The following ADGB variants were observed in gnomAD, a reference collection of about 807,000 sequenced individuals.
The protein encoded by ADGB is androglobin.
A neutral mutation model predicts 210.5 loss-of-function variants in ADGB; 172 were observed. The ratio of observed to expected loss-of-function variants is 0.82; its 90% CI spans 0.72 to 0.93. ADGB has a LOEUF of 0.93. Ranked by LOEUF, ADGB falls within the 40% of genes least tolerant of loss-of-function variation. ADGB has a pLI of 0.00. For missense variants in ADGB, 2,025 were observed against 1,964.8 expected (o/e 1.03, Z -0.58); for synonymous variants, 658 against 662.7 (o/e 0.99, Z 0.11).
intron 1 of ADGB, among the ~76,000 whole-genome samples, chr6:146,609,137 C>T (rs1304409920): frequency 6.6e-6 from 1 of 151,976 alleles, no homozygotes; most frequent in Middle Eastern, 3.2e-3. Flanking sequence ...TTTTTTGTCC[C>T]TTTCGATCGT....
chr6:146,675,995 G>A (rs1275113941), intron 8 of ADGB, among the ~76,000 whole-genome samples: 1 of 152,022 alleles, frequency 6.6e-6, no homozygotes, highest in Non-Finnish European at 1.5e-5. Flanking sequence ...TTTTTAAAAT[G>A]AGAAAATTAC....
chr6:146,670,649 CTG>C lies in ADGB; in HGVS notation c.840-1569_840-1568del, dbSNP rs562111165. 1.9e-3 allele frequency among the ~76,000 whole-genome samples: 283 copies of C among 152,234 alleles called. 2 individuals are homozygous for C. The highest frequency in any genetic ancestry group is 6.5e-3 in the African/African-American group (270 of 41,532). ...TTCATTTTCATCATGGAAGTTATCACTGTTGTTATTCTCTGTCTCTGTTTTAT... is the reference window on the plus strand; with the variant it reads ...TTCATTTTCATCATGGAAGTTATCACTTGTTATTCTCTGTCTCTGTTTTAT... On this transcript the variant is annotated intron_variant, in intron 7 of 35. Transcript: ENST00000397944.
At chr6:146,694,227 A>G (rs933418383) in intron 12 of ADGB, among the ~76,000 whole-genome samples, 81 of 152,250 alleles carry the variant, frequency 5.3e-4, no homozygotes, top group African/African-American at 1.9e-3. Flanking sequence ...GCTATAACAA[A>G]ATACCATAGA....
intron 1 of ADGB, among the ~76,000 whole-genome samples, chr6:146,611,717 G>A (rs1361310770): frequency 6.6e-6 from 1 of 151,966 alleles, no homozygotes; most frequent in African/African-American, 2.4e-5. Context: ...CAAATAATAT[G>A]CCTGTCTTCT....
chr6:146,609,314 G>C (rs1780673414), intron 1 of ADGB, among the ~76,000 whole-genome samples: 1 of 152,092 alleles, frequency 6.6e-6, no homozygotes, highest in Admixed American at 6.5e-5. Context: ...CTTGAGTCTT[G>C]CTTCTTTGTC....
chr6:146,616,837 G>A (rs1780807561), intron 1 of ADGB, among the ~76,000 whole-genome samples: 1 of 151,998 alleles, frequency 6.6e-6, no homozygotes. Context: ...ATGCTTCTTT[G>A]GTTATTATAC....
chr6:146,688,122 A>C (rs753366937), intron 10 of ADGB, among the ~76,000 whole-genome samples: 14 of 152,128 alleles, frequency 9.2e-5, no homozygotes, highest in Admixed American at 6.6e-4. Flanking sequence ...CAAGATTGAC[A>C]AAGTTCTCTC....
chr6:146,699,270 A>C (rs922430108), intron 12 of ADGB, among the ~76,000 whole-genome samples: 10 of 152,170 alleles, frequency 6.6e-5, no homozygotes, highest in Admixed American at 1.3e-4. Flanking sequence ...CACGTGGTTC[A>C]GTCCAAATCT....
intron 12 of ADGB, among the ~76,000 whole-genome samples, chr6:146,699,566 A>G (rs1157585485): frequency 6.6e-6 from 1 of 152,066 alleles, no homozygotes; most frequent in Non-Finnish European, 1.5e-5. Flanking sequence ...TCGCACGCCA[A>G]TCACCTCTGG....
intron 18 of ADGB, 23 bp downstream of exon 18, chr6:146,724,350 C>A (rs1348034922): frequency 1.3e-6 from 2 of 1,488,662 alleles, no homozygotes; most frequent in South Asian, 1.3e-5. Context: ...TTCATTTTTC[C>A]CATAATAAAA....
intron 27 of ADGB, among the ~76,000 whole-genome samples, chr6:146,761,535 T>A (rs1416483004): frequency 6.6e-6 from 1 of 152,054 alleles, no homozygotes; most frequent in Non-Finnish European, 1.5e-5. Flanking sequence ...CACTAACTTC[T>A]TAACAAAACT....
At chr6:146,604,560 A>G (rs1780605846) in intron 1 of ADGB, among the ~76,000 whole-genome samples, 1 of 151,742 alleles carries the variant, frequency 6.6e-6, no homozygotes, top group Middle Eastern at 3.2e-3. Flanking sequence ...AGTGCACCTT[A>G]AAAATGACAA....
Position 146,599,094 on chromosome 6 carries a change from C to G in ADGB, c.54C>G (p.His18Gln), listed in dbSNP as rs1281151920. Residue 18 changes from histidine (H) to glutamine (Q), a missense_variant, in exon 1 of 36, where the codon CAC becomes CAG. Coordinates refer to ENST00000397944, the MANE Select transcript of ADGB (RefSeq NM_024694.4). Reference sequence around the variant, plus strand: ...AGGTGCATCGTATCAACTCGGCGCACGGATCGGATAAATCGAAAGAGTAAG... The same window carrying G: ...AGGTGCATCGTATCAACTCGGCGCAGGGATCGGATAAATCGAAAGAGTAAG... ...KKEVHRINSA[H>Q]GSDKSKDFYP... 1.9e-6 allele frequency: 3 copies of G among 1,551,588 alleles called. No individual in the cohort carries two copies. Among genetic ancestry groups the G allele is most frequent in the African/African-American group, 2.7e-5 (2 of 73,062 alleles).
At chr6:146,607,472 G>C (rs1225538811) in intron 1 of ADGB, among the ~76,000 whole-genome samples, 4 of 152,030 alleles carry the variant, frequency 2.6e-5, no homozygotes, top group African/African-American at 9.7e-5. Context: ...TTCATGTTCT[G>C]GTTCTCAAGG....
At chr6:146,684,088 CT>C (rs1776191566) in intron 9 of ADGB, among the ~76,000 whole-genome samples, 1 of 151,980 alleles carries the variant, frequency 6.6e-6, no homozygotes, top group Non-Finnish European at 1.5e-5. Flanking sequence ...ACTCAGCTGA[CT>C]TTTTGTAAAG....
Position 146,745,948 on chromosome 6 carries a change from A to G in ADGB, c.3204A>G (p.Ala1068=). 1.9e-6 allele frequency: 3 copies of G among 1,549,248 alleles called. No individual in the cohort carries two copies. The highest frequency in any genetic ancestry group is 2.6e-6 in the Non-Finnish European group (3 of 1,146,046). ...AGGGATACACTTTTGTGGCGGAAGCATTTACAGGCGACACATATGTAGCAG... is the reference window on the plus strand; with the variant it reads ...AGGGATACACTTTTGTGGCGGAAGCGTTTACAGGCGACACATATGTAGCAG... ...NKKGYTFVAE[A]FTGDTYVAAS... Residue 1068 remains alanine, a synonymous_variant, in exon 26 of 36, where the codon GCA becomes GCG. Transcript: ENST00000397944.
intron 17 of ADGB, among the ~76,000 whole-genome samples, chr6:146,722,660 T>A (rs1246733556): frequency 6.6e-6 from 1 of 152,180 alleles, no homozygotes; most frequent in African/African-American, 2.4e-5. Flanking sequence ...AAACATTCTC[T>A]CTCTCTTCAA....
chr6:146,720,702 C>T (rs573602664), intron 16 of ADGB, among the ~76,000 whole-genome samples: 115 of 152,170 alleles, frequency 7.6e-4, no homozygotes, highest in African/African-American at 2.3e-3. Context: ...GAAGCAAACA[C>T]GTCTTACCAT....
chr6:146,672,416 A>T lies in ADGB; in HGVS notation c.1036A>T (p.Ser346Cys). Residue 346 changes from serine (S) to cysteine (C), a missense_variant, in exon 8 of 36, where the codon AGT (serine) becomes TGT (cysteine). Coordinates refer to ENST00000397944, the MANE Select transcript of ADGB (RefSeq NM_024694.4). The stretch of plus-strand genomic sequence containing the variant: ...AGACGTGAAGGAATTCAAACCTGAA[A>T]GTTCTTTGACAACACTAAAGGCTCC... The part of the protein sequence containing the change: ...VKDVKEFKPE[S>C]SLTTLKAPEK... The T allele has an allele frequency of 6.4e-7, 1 of 1,551,244 alleles. No individual in the cohort carries two copies. The highest frequency in any genetic ancestry group is 8.7e-7 in the Non-Finnish European group (1 of 1,146,804).
Sources: allele counts gnomAD v4.1 joint callset (sites outside exome capture counted in the v4.1 genomes callset), GRCh38; gene constraint gnomAD v4.1.1; transcripts MANE v1.5; gene names NCBI Gene and HGNC (gene_info 2026-07-23, HGNC 2026-07-21).